The following CACNB4 variants were observed in gnomAD, a reference collection of about 807,000 sequenced individuals.
The protein encoded by CACNB4 is voltage-dependent L-type calcium channel subunit beta-4.
Under a neutral mutation model 71.2 loss-of-function variants are expected in CACNB4, and 32 were observed. The ratio of observed to expected loss-of-function variants is 0.45; its 90% CI spans 0.34 to 0.60. CACNB4 has a LOEUF of 0.60. CACNB4 is among the 20% of genes least tolerant of loss of function. CACNB4 has a pLI of 0.01. For synonymous variants in CACNB4, 231 were observed against 236.9 expected, an observed-to-expected ratio of 0.97 and a Z score of 0.23; for missense variants, 464 against 647.9, an observed-to-expected ratio of 0.72 and a Z score of 3.08.
intron 3 of CACNB4, chr2:151,882,971 GCC>G (rs2099848352): frequency 4.8e-6 from 2 of 418,280 alleles, no homozygotes; most frequent in Admixed American, 7.2e-5. Flanking sequence ...GGGGCTGTCT[GCC>G]AACACTGGGC....
At chr2:151,858,065 C>G (rs1013993837) in intron 10 of CACNB4, 2 of 152,138 alleles carry the variant, frequency 1.3e-5, no homozygotes, top group Non-Finnish European at 2.9e-5. Flanking sequence ...CTATATAGCT[C>G]TTTTTTTGTT....
At chr2:152,016,307 T>C (rs1420781636) in intron 2 of CACNB4, among the ~76,000 whole-genome samples, 1 of 152,222 alleles carries the variant, frequency 6.6e-6, no homozygotes, top group East Asian at 1.9e-4. Context: ...ATATGTTCCA[T>C]AACTACAGAA....
chr2:152,029,507 A>AAAAAAAG (rs1553815872), intron 2 of CACNB4, among the ~76,000 whole-genome samples: 6 of 104,738 alleles, frequency 5.7e-5, no homozygotes, highest in Admixed American at 1.1e-4. Flanking sequence ...AAAAAAAAAA[A>AAAAAAAG]AAAAGAAAAG....
At chr2:151,868,699 G>C (rs994658881) in intron 9 of CACNB4, 1 of 151,820 alleles carries the variant, frequency 6.6e-6, no homozygotes, top group African/African-American at 2.4e-5. Flanking sequence ...CACTTTGGGA[G>C]GCTTATGATT....
At chr2:151,996,530 C>T (rs1223301134) in intron 2 of CACNB4, among the ~76,000 whole-genome samples, 1 of 151,408 alleles carries the variant, frequency 6.6e-6, no homozygotes, top group Non-Finnish European at 1.5e-5. Flanking sequence ...AGTCTTAATG[C>T]TATGTCAGCC....
At chr2:152,001,845 T>A (rs913188581) in intron 2 of CACNB4, among the ~76,000 whole-genome samples, 1 of 151,948 alleles carries the variant, frequency 6.6e-6, no homozygotes, top group African/African-American at 2.4e-5. Flanking sequence ...TGGAATAGAA[T>A]GTAAATAAGT....
intron 2 of CACNB4, among the ~76,000 whole-genome samples, chr2:151,964,155 T>C (rs1221873422): frequency 1.3e-5 from 2 of 151,384 alleles, no homozygotes; most frequent in Non-Finnish European, 2.9e-5. Context: ...TCTCTATCAG[T>C]GGGAAAAATT....
intron 2 of CACNB4, among the ~76,000 whole-genome samples, chr2:152,070,098 C>G (rs1442690200): frequency 6.6e-6 from 1 of 152,144 alleles, no homozygotes; most frequent in Non-Finnish European, 1.5e-5. Context: ...CCGTCTTGGC[C>G]TCCCAAAGTG....
At chr2:152,049,831 A>C (rs2105285710) in intron 2 of CACNB4, among the ~76,000 whole-genome samples, 1 of 152,382 alleles carries the variant, frequency 6.6e-6, no homozygotes, top group Middle Eastern at 3.4e-3. Flanking sequence ...CAATAAAAGA[A>C]ACCATTTTAT....
rs538261276 is a variant in CACNB4, at chr2:151,853,637, G to A, written c.1021-94C>T. On this transcript the variant is annotated intron_variant, in intron 11 of 13. Coordinates refer to ENST00000539935, the MANE Select transcript of CACNB4 (RefSeq NM_000726.5). ...TTTTTAATGGTCTGCTTGGCCCTGA[G>A]TATTATCAGAGAGGAAATGCAGTGT... 5.9e-6 allele frequency: 4 copies of A among 681,488 alleles called. No homozygotes were observed. In the South Asian group the frequency reaches 7.4e-5, roughly 13 times the overall value. The allele number at this position is 681,488 out of a possible 1,614,324, so 42.2% of individuals were successfully genotyped here.
intron 9 of CACNB4, among the ~76,000 whole-genome samples, chr2:151,864,466 G>A (rs539218263): frequency 1.1e-4 from 16 of 152,234 alleles, no homozygotes; most frequent in African/African-American, 2.4e-4. Flanking sequence ...GTATTTCCAC[G>A]CTGGTAACGT....
intron 2 of CACNB4, among the ~76,000 whole-genome samples, chr2:152,057,064 A>G (rs1486137984): frequency 1.3e-5 from 2 of 152,138 alleles, no homozygotes; most frequent in Non-Finnish European, 2.9e-5. Context: ...TCACTCCCCT[A>G]ATCAATACAA....
intron 2 of CACNB4, among the ~76,000 whole-genome samples, chr2:152,086,185 TTAGATA>T (rs1224653283): frequency 1.1e-4 from 16 of 152,200 alleles, no homozygotes; most frequent in African/African-American, 3.9e-4. Flanking sequence ...TAAAAAGATA[TTAGATA>T]TAGTTTAATT....
Position 152,098,276 on chromosome 2 carries a change from C to A in CACNB4, c.147+54G>T. On this transcript the variant is annotated intron_variant, in intron 2 of 13. Coordinates refer to ENST00000539935, the MANE Select transcript of CACNB4 (RefSeq NM_000726.5). This position sits in a 1 kb window ranked among gnomAD's most constrained non-coding sequence, Gnocchi z 5.3. ...GGGCCACGGCCGGCTCCAGGACCCC[C>A]GCGCCGCGCGCTCGGCCTCCTCCCC... is the stretch of plus-strand genomic sequence containing the variant. The A allele has an allele frequency of 1.4e-6, 2 of 1,450,998 alleles. No individual in the cohort carries two copies. Among genetic ancestry groups the A allele is most frequent in the Non-Finnish European group, 1.9e-6 (2 of 1,032,776 alleles). 89.9% of individuals were successfully genotyped at this position (1,450,998 alleles called of 1,614,324 possible).
intron 2 of CACNB4, among the ~76,000 whole-genome samples, chr2:151,989,108 T>G (rs745378099): frequency 6.6e-6 from 1 of 152,238 alleles, no homozygotes; most frequent in East Asian, 1.9e-4. Context: ...TCTTCTCACC[T>G]GTGTTTGGAA....
chr2:151,881,967 G>T (rs1399520180), intron 3 of CACNB4, among the ~76,000 whole-genome samples: 1 of 137,546 alleles, frequency 7.3e-6, no homozygotes, highest in African/African-American at 2.8e-5. Flanking sequence ...TGCAACCTCT[G>T]CCTCCTGGGT....
intron 4 of CACNB4, among the ~76,000 whole-genome samples, chr2:151,879,154 T>C (rs1053527057): frequency 1.3e-5 from 2 of 152,194 alleles, no homozygotes; most frequent in African/African-American, 2.4e-5. Context: ...GAGTCATAGT[T>C]TCCTAGGGCT....
intron 2 of CACNB4, chr2:151,971,316 C>T (rs1427878549): frequency 3.4e-6 from 2 of 591,946 alleles, no homozygotes; most frequent in African/African-American, 1.9e-5. Context: ...AATCACTTAT[C>T]ACAAGTTAAC....
rs375245807 is a variant in CACNB4, at chr2:151,839,280, G to C, written c.1402C>G (p.Arg468Gly). ...SDENYHNERA[R>G]KSRNRLSSSS... ...GAAGACAAGCGGTTCCTACTCTTCC[G>C]AGCCCTTTCATTGTGATAATTTTCA... The change falls in exon 14 of 14, where the codon CGG becomes GGG. Residue 468 changes from arginine to glycine, a missense_variant. Transcript: ENST00000539935. 6.2e-7 allele frequency: 1 copy of C among 1,613,446 alleles called. No homozygotes were observed. Among genetic ancestry groups the C allele is most frequent in the Non-Finnish European group, 8.5e-7 (1 of 1,179,492 alleles).
Sources: gnomAD v4.1 joint callset for allele counts (sites outside exome capture counted in the v4.1 genomes callset) on GRCh38, gnomAD v4.1.1 for gene constraint, Gnocchi (gnomAD v3.1) non-coding constraint, MANE v1.5 for transcripts, NCBI Gene and HGNC (gene_info 2026-07-23, HGNC 2026-07-21) for gene names.